The following IL27RA variants were observed in gnomAD, a reference collection of about 807,000 sequenced individuals.
IL27RA encodes interleukin-27 receptor subunit alpha.
A neutral mutation model predicts 80.8 loss-of-function variants in IL27RA; 61 were observed. That is an observed-to-expected ratio of 0.76 (90% confidence interval 0.61 to 0.93). The LOEUF (loss-of-function observed/expected upper bound fraction) is 0.93. Among genes scored for constraint, IL27RA ranks in the 40% least tolerant of loss-of-function variants. The pLI is 0.00. For missense variants in IL27RA, 735 were observed against 808.1 expected, an observed-to-expected ratio of 0.91 and a Z score of 1.10; for synonymous variants, 316 against 332.5, an observed-to-expected ratio of 0.95 and a Z score of 0.54.
At chr19:14,041,513 T>A (rs1372331713) in intron 4 of IL27RA, among the ~76,000 whole-genome samples, 2 of 152,164 alleles carry the variant, frequency 1.3e-5, no homozygotes, top group African/African-American at 4.8e-5. Flanking sequence ...GATGCAGACT[T>A]TGGAATCTGA....
chr19:14,039,433 G>T, intron 2 of IL27RA, 75 bp from the exon 3 acceptor site: 1 of 1,514,100 alleles, frequency 6.6e-7, no homozygotes. Context: ...CAGCCACTCT[G>T]TTGGCACAAG....
At position 14,052,127 on chromosome 19, in the gene IL27RA, T is replaced by C; in HGVS notation, c.1748T>C (p.Leu583Ser). The change falls in exon 14 of 14, where the codon TTG (leucine) becomes TCG (serine). Residue 583 changes from leucine to serine, a missense_variant. Transcript: ENST00000263379. ...CCTGAGGCCCAGCCCCTTGGGGACT[T>C]GCCCATCCTGGAAGTGGAGGAGATG... The part of the protein sequence containing the change: ...QVPEAQPLGD[L>S]PILEVEEMEP... 1 of 1,613,344 alleles carries C rather than the reference T, an allele frequency of 6.2e-7. No homozygotes were observed. The highest frequency in any genetic ancestry group is 8.5e-7 in the Non-Finnish European group (1 of 1,179,812).
intron 8 of IL27RA, 101 bp downstream of exon 8, chr19:14,046,719 G>A (rs558759727): frequency 7.7e-6 from 9 of 1,167,156 alleles, no homozygotes; most frequent in South Asian, 4.5e-5. Flanking sequence ...CGTGATGGCC[G>A]GGCTTGGTGG....
rs200245568 is a variant in IL27RA, at chr19:14,032,494, G to A, written c.209G>A (p.Ser70Asn). 2.5e-6 allele frequency: 4 copies of A among 1,610,030 alleles called. No individual in the cohort carries two copies. Among genetic ancestry groups the A allele is most frequent in the African/African-American group, 1.3e-5 (1 of 74,786 alleles). Residue 70 changes from serine (S) to asparagine (N), a missense_variant, in exon 2 of 14, where the codon AGC becomes AAC. Ser to Asn is a conservative substitution (Grantham distance 46). Transcript: ENST00000263379. ...GCCCCCTCCGAGTTACACCTCCAGA[G>A]CCAAAAGTAGTGAGTACAGGGAGGT... Reference protein sequence around the residue: ...LGAPSELHLQSQKYRSNKTQT... With the variant: ...LGAPSELHLQNQKYRSNKTQT...
At chr19:14,032,800 T>C in intron 2 of IL27RA, among the ~76,000 whole-genome samples, 1 of 102,662 alleles carries the variant, frequency 9.7e-6, no homozygotes, top group Non-Finnish European at 1.8e-5. Flanking sequence ...AGGGAGACTC[T>C]GTCTCAAAAA....
At chr19:14,045,159 C>T (rs572256156) in intron 6 of IL27RA, among the ~76,000 whole-genome samples, 7 of 149,364 alleles carry the variant, frequency 4.7e-5, no homozygotes, top group South Asian at 2.1e-4. Flanking sequence ...TGGTGGCATG[C>T]GTCTATAGTC....
chr19:14,051,264 G>T (rs1976157812), intron 11 of IL27RA, among the ~76,000 whole-genome samples: 1 of 151,224 alleles, frequency 6.6e-6, no homozygotes, highest in Non-Finnish European at 1.5e-5. Context: ...ATTAAGAATT[G>T]CCAGGCACAG....
Position 14,049,304 on chromosome 19 carries a change from C to G in IL27RA, c.1392C>G (p.Val464=), listed in dbSNP as rs1387422677. 4.3e-6 allele frequency: 7 copies of G among 1,613,320 alleles called. No homozygotes were observed. Among genetic ancestry groups the G allele is most frequent in the Non-Finnish European group, 5.9e-6 (7 of 1,179,754 alleles). ...CACAGAGTGGAACCAGCCCCTCCGT[C>G]TGCATGAATGGTGAGCTTCCCTGCC... ...LCAQSGTSPS[V]CMNVSGNTQS... The change falls in exon 10 of 14, where the codon GTC becomes GTG. Residue 464 remains valine (V), a synonymous_variant. Transcript: ENST00000263379.
chr19:14,040,096 G>A (rs1975968389), intron 4 of IL27RA, among the ~76,000 whole-genome samples, 186 bp downstream of exon 4: 1 of 152,156 alleles, frequency 6.6e-6, no homozygotes, highest in South Asian at 2.1e-4. Context: ...GGGCACGGTG[G>A]TTCACGCCTG....
intron 11 of IL27RA, among the ~76,000 whole-genome samples, 164 bp downstream of exon 11, chr19:14,051,047 G>C (rs971756764): frequency 1.3e-5 from 2 of 152,048 alleles, no homozygotes; most frequent in African/African-American, 2.4e-5. Flanking sequence ...CCAGGAGCTC[G>C]AGACCAGCCT....
rs1446802450 is a variant in IL27RA, at chr19:14,031,948, C to G, written c.76C>G (p.Leu26Val). 1.9e-6 allele frequency: 3 copies of G among 1,611,018 alleles called. No individual in the cohort carries two copies. Among genetic ancestry groups the G allele is most frequent in the Non-Finnish European group, 1.7e-6 (2 of 1,178,828 alleles). The change falls in exon 1 of 14, where the codon CTT (leucine) becomes GTT (valine). Residue 26 changes from leucine to valine, a missense_variant. Coordinates refer to ENST00000263379, the MANE Select transcript of IL27RA (RefSeq NM_004843.4). ...GGCGCTGCTGCCTCTGTTGTGGGTG[C>G]TTTTCCAGCGGACGCGTCCCCAGGG... is the stretch of plus-strand genomic sequence containing the variant. Reference protein sequence around the residue: ...KLALLPLLWVLFQRTRPQGSA... With the variant: ...KLALLPLLWVVFQRTRPQGSA...
At position 14,051,713 on chromosome 19, in the gene IL27RA, G is replaced by C. The variant is rs751705126; in HGVS notation, c.1622+13G>C. On this transcript the variant is annotated intron_variant, in intron 12 of 13. Coordinates refer to ENST00000263379, the MANE Select transcript of IL27RA (RefSeq NM_004843.4). Reference sequence around the variant, plus strand: ...CCACCTCTGGAAGGTGAGGCTGTCGGATACATGCATCTCTACCCACGTGGG... The same window carrying C: ...CCACCTCTGGAAGGTGAGGCTGTCGCATACATGCATCTCTACCCACGTGGG... 3.2e-6 allele frequency: 5 copies of C among 1,580,694 alleles called. No homozygotes were observed. The Admixed American group carries it at 8.9e-5, about 28-fold the overall frequency.
chr19:14,052,056 G>A (rs755592895), intron 13 of IL27RA, 40 bp from the exon 14 acceptor site: 14 of 1,596,530 alleles, frequency 8.8e-6, no homozygotes, highest in African/African-American at 4.0e-5. Context: ...GGTGTGGGTC[G>A]GGGAGGCTGG....
At chr19:14,036,938 C>T (rs1283643920) in intron 2 of IL27RA, among the ~76,000 whole-genome samples, 1 of 152,004 alleles carries the variant, frequency 6.6e-6, no homozygotes, top group Admixed American at 6.6e-5. Flanking sequence ...AGGGTTCAAG[C>T]GATTCTCCTG....
At position 14,046,618 on chromosome 19, in the gene IL27RA, G is replaced by C. The variant is rs774955252; in HGVS notation, c.1141G>C (p.Gly381Arg). The part of the protein sequence containing the change: ...PPGNLSALLP[G>R]NFTVGVPYRI... ...TGGGAACCTCAGTGCTCTGTTACCA[G>C]GTGAGGCCCTGGGACACCTGGGTCT... The change falls in exon 8 of 14, where the codon GGG becomes CGG. Residue 381 changes from glycine to arginine, a missense_variant and splice_region_variant. Transcript: ENST00000263379. 4.4e-6 allele frequency: 7 copies of C among 1,594,472 alleles called. No individual in the cohort carries two copies. Among genetic ancestry groups the C allele is most frequent in the Middle Eastern group, 1.7e-4 (1 of 5,754 alleles).
chr19:14,049,452 A>G lies in IL27RA; in HGVS notation c.1402+138A>G, dbSNP rs987063575. 9 of 744,538 alleles carry G rather than the reference A, an allele frequency of 1.2e-5. 1 individual carries two copies. In the African/African-American group the frequency reaches 1.6e-4, roughly 14 times the overall value. 46.1% of individuals were successfully genotyped at this position (744,538 alleles called of 1,614,324 possible). ...TGTCCTCAATTCCCTCTTGGCTATC[A>G]ATGTAACGAGCTTTCATTCGGCCAT... On this transcript the variant is annotated intron_variant, in intron 10 of 13. Coordinates refer to ENST00000263379, the MANE Select transcript of IL27RA (RefSeq NM_004843.4).
intron 2 of IL27RA, 25 bp downstream of exon 2, chr19:14,032,528 G>T: frequency 2.6e-6 from 4 of 1,531,672 alleles, no homozygotes; most frequent in Non-Finnish European, 1.8e-6. Context: ...GTGACGTGGG[G>T]AAACAGGCTT....
intron 8 of IL27RA, among the ~76,000 whole-genome samples, chr19:14,048,435 A>G (rs1976103303): frequency 6.6e-6 from 1 of 152,126 alleles, no homozygotes; most frequent in Non-Finnish European, 1.5e-5. Flanking sequence ...GGCTATGTGG[A>G]TGTGATAGGG....
intron 2 of IL27RA, among the ~76,000 whole-genome samples, chr19:14,039,226 G>T (rs1295577514): frequency 6.6e-6 from 1 of 151,308 alleles, no homozygotes; most frequent in Non-Finnish European, 1.5e-5. Context: ...GGCAGAGGTT[G>T]CAGTAAGCCA....
Sources: gnomAD v4.1 joint callset for allele counts (sites outside exome capture counted in the v4.1 genomes callset) on GRCh38, gnomAD v4.1.1 for gene constraint, MANE v1.5 for transcripts, NCBI Gene and HGNC (gene_info 2026-07-23, HGNC 2026-07-21) for gene names.